WNK1: variants seen among roughly 807,000 people sequenced by gnomAD.
WNK1 encodes WNK lysine deficient protein kinase 1.
Under a neutral mutation model 222.8 loss-of-function variants are expected in WNK1, and 38 were observed. The ratio of observed to expected loss-of-function variants is 0.17; its 90% CI spans 0.13 to 0.22. WNK1 has a LOEUF of 0.22. Among genes scored for constraint, WNK1 ranks in the 10% least tolerant of loss-of-function variants. The pLI, the probability that WNK1 is intolerant of heterozygous loss-of-function variation, is 1.00. For synonymous variants in WNK1, 1,090 were observed against 1,092.9 expected (o/e 1.00, Z 0.05); for missense variants, 2,348 against 2,918.4 (o/e 0.80, Z 4.50).
At chr12:784,380 A>G (rs1281258558) in intron 1 of WNK1, among the ~76,000 whole-genome samples, 1 of 152,244 alleles carries the variant, frequency 6.6e-6, no homozygotes, top group Non-Finnish European at 1.5e-5. Context: ...TTTCCCTACC[A>G]TCTCAAGAAG....
rs1361074415 is a variant in WNK1, at chr12:894,580, G to A, written c.5528G>A (p.Gly1843Asp). The change falls in exon 23 of 28, where the codon GGC (glycine) becomes GAC (aspartate). Residue 1843 changes from glycine (G) to aspartate (D), a missense_variant. Gly to Asp is a moderately conservative substitution (Grantham distance 94). This residue lies in a region of WNK1 where 1,144 missense variants were observed against 1,273.6 expected (regional missense o/e 0.90). Transcript: ENST00000315939. ...GTTTCAGTTTCTCAAGTCAAAGAAG[G>A]CCCTGTCCTAGCAACTAGTTCAGGA... ...PQKGVSQVKEGPVLATSSGAG... is the reference protein window; with the variant it reads ...PQKGVSQVKEDPVLATSSGAG... 4 of 1,613,928 alleles carry A rather than the reference G, an allele frequency of 2.5e-6. No homozygotes were observed. The highest frequency in any genetic ancestry group is 1.7e-4 in the Middle Eastern group (1 of 6,058).
chr12:828,877 T>A (rs1948578656), intron 3 of WNK1, among the ~76,000 whole-genome samples: 1 of 152,258 alleles, frequency 6.6e-6, no homozygotes, highest in Admixed American at 6.5e-5. Context: ...TGAACTTGGA[T>A]ACTGAGTATT....
rs1307515994 is a variant in WNK1, at chr12:865,195, A to ACC, written c.2139+2928_2139+2929dup. 21 of 1,534,500 alleles carry ACC rather than the reference A, an allele frequency of 1.4e-5. No individual in the cohort carries two copies. Among genetic ancestry groups the ACC allele is most frequent in the Non-Finnish European group, 1.8e-5 (21 of 1,146,410 alleles). On this transcript the variant is annotated intron_variant, in intron 8 of 27. Coordinates refer to ENST00000315939, the MANE Select transcript of WNK1 (RefSeq NM_018979.4). ...CCCGCATCTCTCCCAGTGCTCTTCC[A>ACC]CCCCACCGCCAGTACTGTCTGCACC...
At chr12:870,611 GT>G (rs1305005646) in intron 8 of WNK1, among the ~76,000 whole-genome samples, 1 of 152,148 alleles carries the variant, frequency 6.6e-6, no homozygotes, top group African/African-American at 2.4e-5. Flanking sequence ...ATAATTCTTT[GT>G]TGTGGTGGGC....
At chr12:901,587 G>C (rs1955265347) in intron 26 of WNK1, 2 of 1,288,976 alleles carry the variant, frequency 1.6e-6, no homozygotes, top group Non-Finnish European at 2.0e-6. Context: ...CTGTGCATCT[G>C]AACAGGTGAC....
chr12:908,861 G>GGGGGGGGGGGGGCCCCC lies in WNK1; in HGVS notation c.*69_*70insGGGGGGGGGGGGCCCCC. 2 of 491,846 alleles carry GGGGGGGGGGGGGCCCCC rather than the reference G, an allele frequency of 4.1e-6. No individual in the cohort carries two copies. The highest frequency in any genetic ancestry group is 8.3e-6 in the Non-Finnish European group (2 of 241,770). 30.5% of individuals were successfully genotyped at this position (491,846 alleles called of 1,614,324 possible). A position where few individuals can be genotyped will look rare whatever the true frequency, so the allele number is the denominator to read the frequency against. On this transcript the variant is annotated 3_prime_UTR_variant, in exon 28 of 28. Coordinates refer to ENST00000315939, the MANE Select transcript of WNK1 (RefSeq NM_018979.4). ...ATGCTGAGGGGGTGGGTGGGGGTGGGAAGTAGCCTATATACTAACTACTAG... is the reference window on the plus strand; with the variant it reads ...ATGCTGAGGGGGTGGGTGGGGGTGGGGGGGGGGGGGGGCCCCCAAGTAGCCTATATACTAACTACTAG...
rs765372764 is a variant in WNK1, at chr12:854,355, C to CTTTTTTTTT, written c.1312-2803_1312-2795dup. On this transcript the variant is annotated intron_variant, in intron 4 of 27. Coordinates refer to ENST00000315939, the MANE Select transcript of WNK1 (RefSeq NM_018979.4). Reference sequence around the variant, plus strand: ...CAACAGAGCAAGAACTTATCATTATCTTTTTTTTTTTGTTTTTTTTGAGAC... The same window carrying CTTTTTTTTT: ...CAACAGAGCAAGAACTTATCATTATCTTTTTTTTTTTTTTTTTTTTGTTTTTTTTGAGAC... Among the ~76,000 whole-genome samples, 13 of 97,740 alleles carry CTTTTTTTTT rather than the reference C, an allele frequency of 1.3e-4. 3 individuals are homozygous for CTTTTTTTTT. The highest frequency in any genetic ancestry group is 3.6e-4 in the East Asian group (1 of 2,750). 64.1% of individuals were successfully genotyped at this position (97,740 alleles called of 152,430 possible).
At chr12:868,271 G>A in intron 8 of WNK1, 4 of 1,602,408 alleles carry the variant, frequency 2.5e-6, no homozygotes, top group Non-Finnish European at 3.4e-6. Context: ...TCCTCAGGAA[G>A]CAGTGTATGT....
chr12:897,803 A>C lies in WNK1; in HGVS notation c.6448+122A>C, dbSNP rs1405309731. 4.7e-6 allele frequency: 5 copies of C among 1,053,348 alleles called. No homozygotes were observed. The Admixed American group carries it at 1.0e-4, about 22-fold the overall frequency. 65.3% of individuals were successfully genotyped at this position (1,053,348 alleles called of 1,614,324 possible). A position where few individuals can be genotyped will look rare whatever the true frequency, so the allele number is the denominator to read the frequency against. On this transcript the variant is annotated intron_variant, in intron 25 of 27. Coordinates refer to ENST00000315939, the MANE Select transcript of WNK1 (RefSeq NM_018979.4). ...ATTTCAAAGGAATTTGGCTCTCCTG[A>C]TATTTTTGCTTCCTTGACTGCTGTA...
chr12:885,317 C>G lies in WNK1; in HGVS notation c.4513C>G (p.Leu1505Val), dbSNP rs575881382. The change falls in exon 19 of 28, where the codon CTG (leucine) becomes GTG (valine). Residue 1505 changes from leucine to valine, a missense_variant. This residue lies in a region of WNK1 where 1,144 missense variants were observed against 1,273.6 expected (regional missense o/e 0.90). Transcript: ENST00000315939. ...TTCATTCCCAAGCACAGCTTCACAG[C>G]TGTGCATTCAGCTTAGCAGCAGTAC... ...TTSFPSTASQ[L>V]CIQLSSSTST... The G allele has an allele frequency of 2.5e-6, 4 of 1,614,186 alleles. No individual in the cohort carries two copies. The highest frequency in any genetic ancestry group is 1.3e-5 in the African/African-American group (1 of 75,044).
At chr12:895,006 C>G (rs1319354647) in intron 23 of WNK1, among the ~76,000 whole-genome samples, 7 of 151,968 alleles carry the variant, frequency 4.6e-5, no homozygotes, top group Non-Finnish European at 1.0e-4. Context: ...TTTACCTAAC[C>G]AGTCTCTATC....
intron 1 of WNK1, among the ~76,000 whole-genome samples, chr12:768,316 A>G (rs1459932356): frequency 6.6e-6 from 1 of 152,100 alleles, no homozygotes; most frequent in East Asian, 1.9e-4. Context: ...TTATATTTTT[A>G]GTAGAGACGG....
intron 2 of WNK1, among the ~76,000 whole-genome samples, chr12:814,838 A>T (rs1037448619): frequency 6.6e-6 from 1 of 152,226 alleles, no homozygotes; most frequent in Non-Finnish European, 1.5e-5. Context: ...ATAATGAAAT[A>T]GTTATACAAC....
intron 1 of WNK1, among the ~76,000 whole-genome samples, chr12:779,599 G>A (rs12314802): frequency 3.6e-3 from 539 of 151,784 alleles, no homozygotes; most frequent in African/African-American, 0.013. Flanking sequence ...ACAGGGTTTC[G>A]CCATGTTGGC....
intron 4 of WNK1, among the ~76,000 whole-genome samples, chr12:854,212 CA>C (rs1247590732): frequency 6.6e-6 from 1 of 151,458 alleles, no homozygotes; most frequent in Non-Finnish European, 1.5e-5. Context: ...TCCAAAAAGA[CA>C]AAAAATTAGC....
At chr12:882,201 ATTTT>A in intron 14 of WNK1, 128 bp downstream of exon 14, 2 of 888,998 alleles carry the variant, frequency 2.2e-6, no homozygotes, top group Non-Finnish European at 3.3e-6. Context: ...GTGACAGATA[ATTTT>A]TTTTTTTTTT....
chr12:889,665 A>T (rs1954017262), intron 21 of WNK1, among the ~76,000 whole-genome samples: 1 of 152,046 alleles, frequency 6.6e-6, no homozygotes, highest in South Asian at 2.1e-4. Flanking sequence ...AAAAATACAA[A>T]AAATTATCCA....
chr12:778,537 G>A (rs753371154), intron 1 of WNK1, among the ~76,000 whole-genome samples: 1 of 151,844 alleles, frequency 6.6e-6, no homozygotes, highest in Non-Finnish European at 1.5e-5. Flanking sequence ...CACCATGTTG[G>A]CCAGGCTGGC....
chr12:825,480 C>A (rs1948280567), intron 2 of WNK1, among the ~76,000 whole-genome samples: 1 of 152,106 alleles, frequency 6.6e-6, no homozygotes, highest in Admixed American at 6.5e-5. Flanking sequence ...TTTCATATAA[C>A]CCCTCTACCG....
Sources: gnomAD v4.1 joint callset for allele counts (sites outside exome capture counted in the v4.1 genomes callset) on GRCh38, gnomAD v4.1.1 for gene constraint, gnomAD v4.1.1 regional missense constraint, MANE v1.5 for transcripts, NCBI Gene and HGNC (gene_info 2026-07-23, HGNC 2026-07-21) for gene names.